The following CREBBP variants were observed in gnomAD, a reference collection of about 807,000 sequenced individuals.
The protein encoded by CREBBP is CREB-binding protein.
A neutral mutation model predicts 265.0 loss-of-function variants in CREBBP; 19 were observed. That is an observed-to-expected ratio of 0.07 (90% CI 0.05 to 0.11). The LOEUF is 0.11. CREBBP is among the 10% of genes least tolerant of loss of function. The pLI, the probability that CREBBP is intolerant of heterozygous loss-of-function variation, is 1.00. For missense variants in CREBBP, 2,525 were observed against 3,219.0 expected (o/e 0.78, Z 5.22); for synonymous variants, 1,457 against 1,223.7 (o/e 1.19, Z -3.98).
At position 3,795,876 on chromosome 16, in the gene CREBBP, T is replaced by C. The variant is rs367823309; in HGVS notation, c.976-2250A>G. 5.3e-5 allele frequency among the ~76,000 whole-genome samples: 8 copies of C among 152,328 alleles called. No individual in the cohort carries two copies. In the East Asian group the frequency reaches 1.2e-3, roughly 22 times the overall value. ...AATGGAAAGGAAAGGATATCATCCT[T>C]ACACCTAAGAAAAAGAACCATCCTT... On this transcript the variant is annotated intron_variant, in intron 3 of 30. Coordinates refer to ENST00000262367, the MANE Select transcript of CREBBP (RefSeq NM_004380.3).
intron 19 of CREBBP, among the ~76,000 whole-genome samples, chr16:3,752,732 G>A (rs1011422305): frequency 7.2e-5 from 11 of 152,130 alleles, no homozygotes; most frequent in African/African-American, 1.2e-4. Context: ...AAGACTTAGC[G>A]AATGACTGTT....
chr16:3,754,229 C>T (rs1016365935), intron 19 of CREBBP, among the ~76,000 whole-genome samples: 10 of 152,186 alleles, frequency 6.6e-5, no homozygotes, highest in African/African-American at 2.4e-4. Context: ...CCCGTGGCTT[C>T]ACTTTATTAC....
intron 26 of CREBBP, 107 bp from the exon 27 acceptor site, chr16:3,736,922 C>CAG (rs1455209527): frequency 2.9e-6 from 4 of 1,362,700 alleles, no homozygotes; most frequent in Non-Finnish European, 4.1e-6. Flanking sequence ...CAGAAGTAAC[C>CAG]AGAGAGAGAG....
chr16:3,873,063 G>T lies in CREBBP; in HGVS notation c.85+6769C>A, dbSNP rs895206642. Among the ~76,000 whole-genome samples, 18 of 152,152 alleles carry T rather than the reference G, an allele frequency of 1.2e-4. 1 individual carries two copies. Among genetic ancestry groups the T allele is most frequent in the Admixed American group, 9.8e-4 (15 of 15,276 alleles). On this transcript the variant is annotated intron_variant, in intron 1 of 30. Coordinates refer to ENST00000262367, the MANE Select transcript of CREBBP (RefSeq NM_004380.3). ...CCCTTTCCTTAAGTTTTGCCTCGAGGTTTCATCTTCTCAAGATGGTTCTAA... is the reference window on the plus strand; with the variant it reads ...CCCTTTCCTTAAGTTTTGCCTCGAGTTTTCATCTTCTCAAGATGGTTCTAA...
intron 1 of CREBBP, among the ~76,000 whole-genome samples, chr16:3,864,524 C>T (rs993325555): frequency 6.6e-6 from 1 of 152,038 alleles, no homozygotes; most frequent in Non-Finnish European, 1.5e-5. Flanking sequence ...GGCACATGCC[C>T]ATAGTCCTAG....
At chr16:3,865,437 T>C (rs2055157804) in intron 1 of CREBBP, among the ~76,000 whole-genome samples, 1 of 152,070 alleles carries the variant, frequency 6.6e-6, no homozygotes, top group Non-Finnish European at 1.5e-5. Context: ...GCTACCTCAG[T>C]TAAGAAGAAA....
At chr16:3,832,259 A>G (rs1463166102) in intron 2 of CREBBP, among the ~76,000 whole-genome samples, 1 of 152,230 alleles carries the variant, frequency 6.6e-6, no homozygotes, top group Non-Finnish European at 1.5e-5. Context: ...TCAAACATTT[A>G]ATGAATAAAT....
At chr16:3,869,720 C>A (rs1044778077) in intron 1 of CREBBP, among the ~76,000 whole-genome samples, 1 of 152,184 alleles carries the variant, frequency 6.6e-6, no homozygotes, top group Admixed American at 6.5e-5. Context: ...AGCCGCCCTC[C>A]CAATAACGAC....
At chr16:3,811,912 C>T (rs2053945584) in intron 2 of CREBBP, among the ~76,000 whole-genome samples, 1 of 152,100 alleles carries the variant, frequency 6.6e-6, no homozygotes, top group Admixed American at 6.5e-5. Flanking sequence ...ATTGGTAAGG[C>T]TTCTGATCAA....
rs755099785 is a variant in CREBBP, at chr16:3,782,666, G to C, written c.1573+18C>G. 13 of 1,613,510 alleles carry C rather than the reference G, an allele frequency of 8.1e-6. No individual in the cohort carries two copies. Among genetic ancestry groups the C allele is most frequent in the Non-Finnish European group, 1.1e-5 (13 of 1,179,746 alleles). On this transcript the variant is annotated intron_variant, in intron 6 of 30. Coordinates refer to ENST00000262367, the MANE Select transcript of CREBBP (RefSeq NM_004380.3). ...CATGTGGACAAGTAAGAACGAAGTT[G>C]AGAGTTCCTTCACCTACCCAGGGGG...
chr16:3,819,047 A>G (rs1447575903), intron 2 of CREBBP, among the ~76,000 whole-genome samples: 1 of 152,270 alleles, frequency 6.6e-6, no homozygotes, highest in East Asian at 1.9e-4. Context: ...AGTAGCCGGG[A>G]CAGAGACAGG....
At chr16:3,840,675 G>C (rs528037913) in intron 2 of CREBBP, 2 of 166,178 alleles carry the variant, frequency 1.2e-5, no homozygotes, top group African/African-American at 4.8e-5. Flanking sequence ...ATCAACCCTA[G>C]TACCAAATTC....
intron 2 of CREBBP, among the ~76,000 whole-genome samples, chr16:3,845,533 A>C (rs557780715): frequency 1.3e-5 from 2 of 152,322 alleles, no homozygotes; most frequent in East Asian, 3.9e-4. Flanking sequence ...TATAACAAGA[A>C]AAAATATATA....
intron 2 of CREBBP, among the ~76,000 whole-genome samples, chr16:3,820,592 C>G (rs1450509552): frequency 6.6e-6 from 1 of 152,192 alleles, no homozygotes; most frequent in Non-Finnish European, 1.5e-5. Flanking sequence ...TAATGTCTTT[C>G]AAGAAGCATT....
chr16:3,817,203 T>C (rs979246434), intron 2 of CREBBP, among the ~76,000 whole-genome samples: 2 of 152,174 alleles, frequency 1.3e-5, no homozygotes, highest in Non-Finnish European at 2.9e-5. Flanking sequence ...GCTACATCTT[T>C]GGGCCAGGAA....
In CREBBP at chr16:3,772,915, C is replaced by CAAAA. The variant is rs144154476; in HGVS notation, c.2463+832_2463+835dup. ...TGAAATCCCGTCTCTACTAAAAATA[C>CAAAA]AAAAAAAAAAAAAAAAAAAAAAATT... On this transcript the variant is annotated intron_variant, in intron 13 of 30. Coordinates refer to ENST00000262367, the MANE Select transcript of CREBBP (RefSeq NM_004380.3). Among the ~76,000 whole-genome samples the CAAAA allele has an allele frequency of 2.3e-3, 206 of 88,800 alleles. 4 individuals are homozygous for CAAAA. Among genetic ancestry groups the CAAAA allele is most frequent in the Non-Finnish European group, 3.5e-3 (163 of 47,200 alleles). The allele number at this position is 88,800 out of a possible 152,430, so 58.3% of individuals were successfully genotyped here.
In CREBBP at chr16:3,732,430, G is replaced by A. The variant is rs562741544; in HGVS notation, c.4729-493C>T. Among the ~76,000 whole-genome samples, 18 of 152,328 alleles carry A rather than the reference G, an allele frequency of 1.2e-4. No homozygotes were observed. The South Asian group carries it at 1.9e-3, about 16-fold the overall frequency. On this transcript the variant is annotated intron_variant, in intron 28 of 30. Coordinates refer to ENST00000262367, the MANE Select transcript of CREBBP (RefSeq NM_004380.3). ...CCTGCGGGGTCCACTCAAGGCCCAC[G>A]GAGAGCAGGCTGGCTCCCTGCTGGG...
intron 2 of CREBBP, among the ~76,000 whole-genome samples, chr16:3,832,719 G>A (rs935722342): frequency 6.6e-6 from 1 of 152,186 alleles, no homozygotes; most frequent in African/African-American, 2.4e-5. Context: ...GTAGTCTGCT[G>A]CTGACCAAAA....
intron 2 of CREBBP, among the ~76,000 whole-genome samples, chr16:3,836,020 G>A (rs556825184): frequency 1.3e-5 from 2 of 152,260 alleles, no homozygotes; most frequent in South Asian, 4.1e-4. Flanking sequence ...CAACAACGTG[G>A]ATGAATCTCA....
Sources: gnomAD v4.1 joint callset for allele counts (sites outside exome capture counted in the v4.1 genomes callset) on GRCh38, gnomAD v4.1.1 for gene constraint, MANE v1.5 for transcripts, NCBI Gene and HGNC (gene_info 2026-07-23, HGNC 2026-07-21) for gene names.